Variants in ZFPM2 observed in about 807,000 individuals in gnomAD.
ZFPM2 encodes zinc finger protein ZFPM2.
ZFPM2 carries 20 observed loss-of-function variants against 98.6 expected under a neutral mutation model. That is an observed-to-expected ratio of 0.20 (90% CI 0.14 to 0.29). The LOEUF is 0.29. ZFPM2 is among the 10% of genes least tolerant of loss of function. The probability of loss-of-function intolerance (pLI) is 1.00; values close to 1 mark genes in which losing one functional copy is unlikely to be tolerated. For missense variants in ZFPM2, 1,310 were observed against 1,388.6 expected (o/e 0.94, Z 0.90); for synonymous variants, 518 against 502.7 (o/e 1.03, Z -0.41).
At chr8:105,373,343 C>G (rs1810660994) in intron 1 of ZFPM2, among the ~76,000 whole-genome samples, 1 of 152,202 alleles carries the variant, frequency 6.6e-6, no homozygotes. Flanking sequence ...CTCTTAAAAC[C>G]TGGCATTCCA....
rs1418252917 is a variant in ZFPM2 at position 105,456,155 on chromosome 8, TGTTTGTTTGTTTG to T, written c.301+11775_301+11787del. Among the ~76,000 whole-genome samples, 32 of 116,682 alleles carry T rather than the reference TGTTTGTTTGTTTG, an allele frequency of 2.7e-4. 1 individual carries two copies. The highest frequency in any genetic ancestry group is 8.2e-4 in the Admixed American group (9 of 11,012). 76.5% of individuals were successfully genotyped at this position (116,682 alleles called of 152,430 possible). A position where few individuals can be genotyped will look rare whatever the true frequency, so the allele number is the denominator to read the frequency against. ...GGAAAACCAGGAAAATGTTTTTTTT[TGTTTGTTTGTTTG>T]TTTTTTTTTTAAGAAGGAAGGGGCT... is the stretch of plus-strand genomic sequence containing the variant. On this transcript the variant is annotated intron_variant, in intron 3 of 7. Coordinates refer to ENST00000407775, the MANE Select transcript of ZFPM2 (RefSeq NM_012082.4).
At chr8:105,581,074 T>G (rs1815585609) in intron 4 of ZFPM2, among the ~76,000 whole-genome samples, 1 of 152,112 alleles carries the variant, frequency 6.6e-6, no homozygotes, top group Non-Finnish European at 1.5e-5. Flanking sequence ...ATACTTATTT[T>G]ATCAATGTAA....
At chr8:105,336,332 A>G (rs1261408714) in intron 1 of ZFPM2, among the ~76,000 whole-genome samples, 1 of 151,758 alleles carries the variant, frequency 6.6e-6, no homozygotes, top group Non-Finnish European at 1.5e-5. Context: ...AGCACCAGGT[A>G]TGCACTGATA....
chr8:105,772,229 G>A (rs1812993160), intron 5 of ZFPM2, among the ~76,000 whole-genome samples: 1 of 152,168 alleles, frequency 6.6e-6, no homozygotes, highest in African/African-American at 2.4e-5. Context: ...GTGTGATGAT[G>A]ACTACCTTTG....
chr8:105,647,118 G>C (rs1817063430), intron 5 of ZFPM2, among the ~76,000 whole-genome samples: 1 of 152,120 alleles, frequency 6.6e-6, no homozygotes, highest in South Asian at 2.1e-4. Context: ...GACGAAATCT[G>C]CCTGCTTCTT....
At chr8:105,336,585 T>C (rs559622941) in intron 1 of ZFPM2, among the ~76,000 whole-genome samples, 1 of 151,692 alleles carries the variant, frequency 6.6e-6, no homozygotes, top group South Asian at 2.1e-4. Flanking sequence ...CACCCTAAAG[T>C]AATTTTAAAA....
chr8:105,371,216 G>A (rs961452488), intron 1 of ZFPM2, among the ~76,000 whole-genome samples: 20 of 152,258 alleles, frequency 1.3e-4, no homozygotes, highest in Non-Finnish European at 1.0e-4. Flanking sequence ...AACATATACT[G>A]AGCTGGTCAA....
chr8:105,579,274 T>C lies in ZFPM2; in HGVS notation c.420+17793T>C, dbSNP rs1488304605. Among the ~76,000 whole-genome samples the C allele has an allele frequency of 2.6e-5, 4 of 152,184 alleles. No homozygotes were observed. In the East Asian group the frequency reaches 7.7e-4, roughly 29 times the overall value. On this transcript the variant is annotated intron_variant, in intron 4 of 7. Transcript: ENST00000407775. ...TAGCATCCTATATTTCTGTTCGTAA[T>C]TTGTCATTGAGATTAAATATGTAAA...
intron 5 of ZFPM2, among the ~76,000 whole-genome samples, chr8:105,651,286 C>G (rs946112432): frequency 3.9e-5 from 6 of 152,018 alleles, no homozygotes; most frequent in African/African-American, 1.4e-4. Context: ...ATGTTTCAAT[C>G]ATACTCAATT....
chr8:105,592,484 A>G (rs1376432068), intron 4 of ZFPM2, among the ~76,000 whole-genome samples: 3 of 152,164 alleles, frequency 2.0e-5, no homozygotes, highest in African/African-American at 4.8e-5. Flanking sequence ...TCCCAGTGCA[A>G]TTGAAACCTG....
At chr8:105,578,391 C>T (rs1240759444) in intron 4 of ZFPM2, among the ~76,000 whole-genome samples, 2 of 130,668 alleles carry the variant, frequency 1.5e-5, no homozygotes, top group Non-Finnish European at 3.2e-5. Flanking sequence ...TATTCTCTTA[C>T]CTTATTTTAT....
intron 5 of ZFPM2, among the ~76,000 whole-genome samples, chr8:105,686,645 A>G (rs1174413714): frequency 3.9e-5 from 6 of 152,174 alleles, no homozygotes; most frequent in Admixed American, 3.9e-4. Flanking sequence ...TACAATGTAT[A>G]GTACTCTATA....
intron 1 of ZFPM2, 117 bp downstream of exon 1, chr8:105,319,098 A>G: frequency 8.1e-7 from 1 of 1,238,028 alleles, no homozygotes; most frequent in Non-Finnish European, 1.1e-6. Flanking sequence ...CCGGTCCCCT[A>G]GATGTCTCAA....
intron 5 of ZFPM2, among the ~76,000 whole-genome samples, chr8:105,714,852 A>G (rs1425318640): frequency 6.6e-6 from 1 of 152,102 alleles, no homozygotes; most frequent in African/African-American, 2.4e-5. Flanking sequence ...AATTAAATAT[A>G]AAAGTGTGTC....
chr8:105,534,375 T>C (rs1814402852), intron 3 of ZFPM2, among the ~76,000 whole-genome samples: 1 of 144,036 alleles, frequency 6.9e-6, no homozygotes, highest in African/African-American at 2.6e-5. Flanking sequence ...CTTTCTTCCT[T>C]TCTTTCCTTC....
At chr8:105,551,840 A>G (rs13254292) in intron 3 of ZFPM2, among the ~76,000 whole-genome samples, 20,860 of 152,160 alleles carry the variant, frequency 0.14, 1,565 homozygotes, top group Non-Finnish European at 0.18. Context: ...TCATGTTACA[A>G]TACATGACCA....
intron 1 of ZFPM2, among the ~76,000 whole-genome samples, chr8:105,332,131 T>G (rs1812244510): frequency 6.6e-6 from 1 of 151,744 alleles, no homozygotes; most frequent in Admixed American, 6.6e-5. Context: ...CCTGTTCTTT[T>G]CCTAGATTTC....
intron 4 of ZFPM2, among the ~76,000 whole-genome samples, chr8:105,609,545 C>A (rs1281642478): frequency 6.6e-6 from 1 of 152,070 alleles, no homozygotes; most frequent in Non-Finnish European, 1.5e-5. Context: ...TAATGAATTC[C>A]TAGTGCACAG....
intron 5 of ZFPM2, among the ~76,000 whole-genome samples, chr8:105,703,028 G>A (rs1172280152): frequency 1.3e-5 from 2 of 152,118 alleles, no homozygotes; most frequent in African/African-American, 2.4e-5. Flanking sequence ...TGAATGGTGA[G>A]GAATGAGTTT....
Sources: allele counts gnomAD v4.1 joint callset (sites outside exome capture counted in the v4.1 genomes callset), GRCh38; gene constraint gnomAD v4.1.1; transcripts MANE v1.5; gene names NCBI Gene and HGNC (gene_info 2026-07-23, HGNC 2026-07-21).